CDKAL1: variants seen among roughly 807,000 people sequenced by gnomAD.
CDKAL1 encodes threonylcarbamoyladenosine tRNA methylthiotransferase.
In CDKAL1, 32 loss-of-function variants were observed where a neutral mutation model predicts 68.2. The observed-to-expected ratio is 0.47, with a 90% CI of 0.35 to 0.63. CDKAL1 has a LOEUF of 0.63. Among genes scored for constraint, CDKAL1 ranks in the 30% least tolerant of loss-of-function variants. CDKAL1 has a pLI of 0.00. For missense variants in CDKAL1, 606 were observed against 696.7 expected, an observed-to-expected ratio of 0.87 and a Z score of 1.47; for synonymous variants, 234 against 244.3, an observed-to-expected ratio of 0.96 and a Z score of 0.39.
rs570771977 is a variant in CDKAL1 at position 21,026,348 on chromosome 6, G to A, written c.1055+25976G>A. ...TTGTGGAATTCTTCTGAAACAGGCT[G>A]TGAAAACATTTGATTTGGAGTCAAG... On this transcript the variant is annotated intron_variant, in intron 11 of 15. Coordinates refer to ENST00000274695, the MANE Select transcript of CDKAL1 (RefSeq NM_017774.3). Among the ~76,000 whole-genome samples the A allele has an allele frequency of 5.3e-5, 8 of 152,148 alleles. No individual in the cohort carries two copies. In the East Asian group the frequency reaches 1.5e-3, roughly 29 times the overall value.
At chr6:21,074,688 GTCTAC>G (rs1771967832) in intron 12 of CDKAL1, among the ~76,000 whole-genome samples, 3 of 152,206 alleles carry the variant, frequency 2.0e-5, no homozygotes, top group South Asian at 4.1e-4. Flanking sequence ...ATTAATAATT[GTCTAC>G]TCTACCAGTC....
chr6:21,219,785 T>A (rs989667029), intron 15 of CDKAL1, among the ~76,000 whole-genome samples: 27 of 152,192 alleles, frequency 1.8e-4, no homozygotes, highest in African/African-American at 5.8e-4. Flanking sequence ...AAACCAAACA[T>A]CTGCCAACAC....
chr6:20,658,001 A>T (rs1769107071), intron 5 of CDKAL1, among the ~76,000 whole-genome samples: 1 of 137,766 alleles, frequency 7.3e-6, no homozygotes, highest in South Asian at 2.1e-4. Context: ...ATGGCCTTTA[A>T]CTTGGGGGGG....
intron 4 of CDKAL1, among the ~76,000 whole-genome samples, chr6:20,622,494 G>A (rs1561974609): frequency 6.6e-6 from 1 of 152,042 alleles, no homozygotes; most frequent in Non-Finnish European, 1.5e-5. Context: ...AGTAGTGTTG[G>A]ATTGATACTG....
chr6:20,960,125 C>T (rs1764979297), intron 10 of CDKAL1, among the ~76,000 whole-genome samples: 1 of 152,036 alleles, frequency 6.6e-6, no homozygotes, highest in Admixed American at 6.6e-5. Flanking sequence ...TTTTCTTTTG[C>T]CCACTTTTTT....
At chr6:20,946,840 G>A (rs991004783) in intron 9 of CDKAL1, among the ~76,000 whole-genome samples, 3 of 151,838 alleles carry the variant, frequency 2.0e-5, no homozygotes, top group South Asian at 4.2e-4. Flanking sequence ...CAGGTGATCC[G>A]CCCACCTCAG....
At chr6:21,021,899 T>C (rs1279029456) in intron 11 of CDKAL1, among the ~76,000 whole-genome samples, 1 of 152,230 alleles carries the variant, frequency 6.6e-6, no homozygotes, top group Non-Finnish European at 1.5e-5. Flanking sequence ...TAGTTTTGTA[T>C]GAAGTCATTG....
chr6:21,016,210 C>T (rs1033073239), intron 11 of CDKAL1, among the ~76,000 whole-genome samples: 1 of 151,588 alleles, frequency 6.6e-6, no homozygotes, highest in African/African-American at 2.4e-5. Context: ...AAACAGAATC[C>T]TAATGAACCC....
At chr6:21,119,238 G>A (rs1210489834) in intron 13 of CDKAL1, among the ~76,000 whole-genome samples, 1 of 152,070 alleles carries the variant, frequency 6.6e-6, no homozygotes, top group Non-Finnish European at 1.5e-5. Context: ...TGCCTTAGAG[G>A]GTTGTCATAA....
intron 5 of CDKAL1, among the ~76,000 whole-genome samples, chr6:20,731,826 G>A (rs1212966140): frequency 1.3e-5 from 2 of 152,090 alleles, no homozygotes; most frequent in African/African-American, 4.8e-5. Context: ...ATGGGCCCAG[G>A]CACAGAACTC....
intron 8 of CDKAL1, among the ~76,000 whole-genome samples, chr6:20,815,328 G>A (rs1267577646): frequency 6.6e-6 from 1 of 152,080 alleles, no homozygotes; most frequent in Non-Finnish European, 1.5e-5. Context: ...GTATGATCTA[G>A]TCTTTAAGGG....
intron 4 of CDKAL1, among the ~76,000 whole-genome samples, chr6:20,603,230 T>G (rs891618367): frequency 6.6e-6 from 1 of 152,188 alleles, no homozygotes; most frequent in Non-Finnish European, 1.5e-5. Context: ...AGTTCCTGGC[T>G]TTTGACTTTG....
chr6:20,781,945 A>G (rs1775450917), intron 8 of CDKAL1, among the ~76,000 whole-genome samples: 1 of 152,222 alleles, frequency 6.6e-6, no homozygotes, highest in African/African-American at 2.4e-5. Context: ...TACCCGTACA[A>G]CCACATCTCA....
At chr6:20,871,876 C>T (rs1561846542) in intron 9 of CDKAL1, among the ~76,000 whole-genome samples, 1 of 152,100 alleles carries the variant, frequency 6.6e-6, no homozygotes, top group Non-Finnish European at 1.5e-5. Context: ...GCTCTATAAC[C>T]TTCAATTAGT....
chr6:20,999,673 A>G (rs1767318568), intron 10 of CDKAL1, among the ~76,000 whole-genome samples: 1 of 145,700 alleles, frequency 6.9e-6, no homozygotes, highest in Non-Finnish European at 1.5e-5. Context: ...TAAAAAAAAA[A>G]AAAAAAAAAA....
At chr6:20,991,740 G>C (rs1021700461) in intron 10 of CDKAL1, among the ~76,000 whole-genome samples, 2 of 145,006 alleles carry the variant, frequency 1.4e-5, no homozygotes, top group South Asian at 2.2e-4. Context: ...AATCAACCAG[G>C]CTCAGTGTCA....
At chr6:20,796,829 A>G (rs1759139639) in intron 8 of CDKAL1, among the ~76,000 whole-genome samples, 1 of 152,256 alleles carries the variant, frequency 6.6e-6, no homozygotes, top group South Asian at 2.1e-4. Flanking sequence ...TGTATATGAA[A>G]GTTAACCCAA....
intron 11 of CDKAL1, among the ~76,000 whole-genome samples, chr6:21,060,296 A>G (rs1771075001): frequency 6.6e-6 from 1 of 152,080 alleles, no homozygotes; most frequent in Non-Finnish European, 1.5e-5. Flanking sequence ...CTTTCAAAGA[A>G]TTTGCCCATT....
intron 9 of CDKAL1, among the ~76,000 whole-genome samples, chr6:20,901,121 G>A (rs1383882517): frequency 6.6e-6 from 1 of 151,942 alleles, no homozygotes; most frequent in East Asian, 1.9e-4. Context: ...GAGAGGCCAG[G>A]AGAGGACAGG....
Sources: allele counts gnomAD v4.1 joint callset (sites outside exome capture counted in the v4.1 genomes callset), GRCh38; gene constraint gnomAD v4.1.1; transcripts MANE v1.5; gene names NCBI Gene and HGNC (gene_info 2026-07-23, HGNC 2026-07-21).